Variants in DPP6 observed in about 807,000 individuals in gnomAD.
DPP6 encodes A-type potassium channel modulatory protein DPP6.
In DPP6, 69 loss-of-function variants were observed where a neutral mutation model predicts 122.6. The ratio of observed to expected loss-of-function variants is 0.56; its 90% CI spans 0.46 to 0.69. The LOEUF (loss-of-function observed/expected upper bound fraction) is 0.69, where lower values mean the gene tolerates loss of function less well. DPP6 is among the 30% of genes least tolerant of loss of function. The probability of loss-of-function intolerance (pLI) is 0.00; values close to 1 mark genes in which losing one functional copy is unlikely to be tolerated. For synonymous variants in DPP6, 418 were observed against 433.1 expected (o/e 0.97, Z 0.43); for missense variants, 928 against 1,116.9 (o/e 0.83, Z 2.41).
At chr7:154,688,163 A>G (rs1042551249) in intron 7 of DPP6, among the ~76,000 whole-genome samples, 2 of 152,194 alleles carry the variant, frequency 1.3e-5, no homozygotes, top group African/African-American at 4.8e-5. Context: ...ATATGTGTAT[A>G]TATGTGTCAC....
At chr7:154,788,423 G>A (rs1174030675) in intron 10 of DPP6, among the ~76,000 whole-genome samples, 1 of 149,054 alleles carries the variant, frequency 6.7e-6, no homozygotes, top group Non-Finnish European at 1.5e-5. Flanking sequence ...TAGCCTGGGT[G>A]ACAGAGTGAG....
rs1481668259 is a variant in DPP6 at position 154,127,638 on chromosome 7, C to CAG, written c.243+74576_243+74577insGA. Among the ~76,000 whole-genome samples the CAG allele has an allele frequency of 1.5e-3, 169 of 109,160 alleles. 2 individuals are homozygous for CAG. Among genetic ancestry groups the CAG allele is most frequent in the African/African-American group, 7.1e-3 (166 of 23,484 alleles). 71.6% of individuals were successfully genotyped at this position (109,160 alleles called of 152,430 possible). A position where few individuals can be genotyped will look rare whatever the true frequency, so the allele number is the denominator to read the frequency against. ...ACACACACACACACACACACAGACACACACACACACACAGACACACACACA... is the reference window on the plus strand; with the variant it reads ...ACACACACACACACACACACAGACACAGACACACACACACAGACACACACACA... On this transcript the variant is annotated intron_variant, in intron 1 of 25. Transcript: ENST00000377770.
intron 1 of DPP6, among the ~76,000 whole-genome samples, chr7:154,256,834 A>C (rs1802685417): frequency 6.6e-6 from 1 of 152,172 alleles, no homozygotes; most frequent in African/African-American, 2.4e-5. Context: ...TCAGCCTGAG[A>C]TTCTGGTAAG....
At chr7:154,098,056 G>A (rs1014012532) in intron 1 of DPP6, among the ~76,000 whole-genome samples, 1 of 152,168 alleles carries the variant, frequency 6.6e-6, no homozygotes, top group Non-Finnish European at 1.5e-5. Flanking sequence ...ATATGGTTCT[G>A]CTGTGTCCCC....
chr7:154,582,376 G>T (rs984309694), intron 5 of DPP6, among the ~76,000 whole-genome samples: 1 of 152,332 alleles, frequency 6.6e-6, no homozygotes, highest in South Asian at 2.1e-4. Context: ...CTTGTGATGG[G>T]CTCCATTTAT....
At chr7:154,516,041 T>C (rs1826470852) in intron 3 of DPP6, among the ~76,000 whole-genome samples, 2 of 152,170 alleles carry the variant, frequency 1.3e-5, no homozygotes, top group Admixed American at 6.5e-5. Context: ...TCTGATTTCT[T>C]TTCTCTCTTT....
chr7:154,176,332 G>A lies in DPP6; in HGVS notation c.243+123269G>A, dbSNP rs146763338. Among the ~76,000 whole-genome samples, 305 of 152,252 alleles carry A rather than the reference G, an allele frequency of 2.0e-3. 2 individuals are homozygous for A. Among genetic ancestry groups the A allele is most frequent in the Non-Finnish European group, 3.7e-3 (255 of 68,016 alleles). ...GGATGTATGTATATGTTTGGTGAGC[G>A]CCCAGGCAGTACATACAAACATTTG... is the stretch of plus-strand genomic sequence containing the variant. On this transcript the variant is annotated intron_variant, in intron 1 of 25. Transcript: ENST00000377770.
chr7:154,108,369 A>G (rs1025526970), intron 1 of DPP6, among the ~76,000 whole-genome samples: 11 of 152,308 alleles, frequency 7.2e-5, no homozygotes, highest in East Asian at 1.9e-4. Flanking sequence ...AATGTCATGA[A>G]TGGATACACA....
At chr7:154,551,442 A>G (rs1372646958) in intron 4 of DPP6, among the ~76,000 whole-genome samples, 2 of 152,118 alleles carry the variant, frequency 1.3e-5, no homozygotes, top group African/African-American at 4.8e-5. Context: ...TGAGGGCCTA[A>G]CTTTTCTAAA....
chr7:154,635,338 A>G (rs570295732), intron 5 of DPP6, among the ~76,000 whole-genome samples: 14 of 151,974 alleles, frequency 9.2e-5, no homozygotes, highest in Admixed American at 2.6e-4. Flanking sequence ...GGCTGAAGTA[A>G]TATCAAAGGC....
chr7:154,081,570 A>T lies in DPP6; in HGVS notation c.243+28507A>T, dbSNP rs141023375. On this transcript the variant is annotated intron_variant, in intron 1 of 25. Coordinates refer to ENST00000377770, the MANE Select transcript of DPP6 (RefSeq NM_130797.4). The stretch of plus-strand genomic sequence containing the variant: ...GGGAGCGGTCACTGTGGCATGGAGT[A>T]GGCTGGGCAATGAAGGCTTCTAGGA... Among the ~76,000 whole-genome samples the T allele has an allele frequency of 7.1e-3, 1,051 of 147,608 alleles. 6 individuals carry two copies. Among genetic ancestry groups the T allele is most frequent in the Middle Eastern group, 0.021 (6 of 288 alleles).
chr7:153,808,230 TGA>T, the DPP6 span, among the ~76,000 whole-genome samples: 1 of 151,630 alleles, frequency 6.6e-6, no homozygotes, highest in Non-Finnish European at 1.5e-5. Flanking sequence ...TGTGCGTGCC[TGA>T]GTGTGCGTGT....
Position 154,618,612 on chromosome 7 carries a change from G to A in DPP6, c.628-19209G>A, listed in dbSNP as rs991643339. 5.3e-5 allele frequency among the ~76,000 whole-genome samples: 8 copies of A among 152,110 alleles called. No individual in the cohort carries two copies. The highest frequency in any genetic ancestry group is 1.7e-4 in the African/African-American group (7 of 41,422). ...GAGTTTATGATGTGCTCAGAGCCAC[G>A]CACAGGATCGCTAGAAGCCGGGGCC... On this transcript the variant is annotated intron_variant, in intron 5 of 25. Transcript: ENST00000377770. The surrounding 1 kb of genome is among the most constrained non-coding windows in gnomAD (Gnocchi z 4.1).
intron 1 of DPP6, among the ~76,000 whole-genome samples, chr7:153,952,439 A>G (rs1802263115): frequency 6.6e-6 from 1 of 152,258 alleles, no homozygotes; most frequent in Non-Finnish European, 1.5e-5. Context: ...TCAGATTCAA[A>G]TCCAGATTTT....
At chr7:154,121,138 A>G (rs558351972) in intron 1 of DPP6, among the ~76,000 whole-genome samples, 43 of 152,296 alleles carry the variant, frequency 2.8e-4, no homozygotes, top group Admixed American at 1.0e-3. Flanking sequence ...CCTCCCAGCC[A>G]TGTGGAACTG....
chr7:154,262,791 G>A (rs889465032), intron 1 of DPP6, among the ~76,000 whole-genome samples: 5 of 152,084 alleles, frequency 3.3e-5, no homozygotes, highest in Non-Finnish European at 7.4e-5. Flanking sequence ...TACTAAATAC[G>A]TTTTAGTAAT....
chr7:154,222,133 C>T (rs62484134), intron 1 of DPP6, among the ~76,000 whole-genome samples: 8,772 of 152,180 alleles, frequency 0.058, 495 homozygotes, highest in African/African-American at 0.13. Flanking sequence ...ATAGCACAAA[C>T]CCATGAATAT....
intron 1 of DPP6, among the ~76,000 whole-genome samples, chr7:154,160,907 C>T (rs11768404): frequency 1.1e-4 from 16 of 151,960 alleles, no homozygotes; most frequent in Admixed American, 9.8e-4. Context: ...GCAAAACCGC[C>T]GACAGCAAGA....
chr7:153,991,116 C>CAGG (rs1252489174), intron 1 of DPP6, among the ~76,000 whole-genome samples: 1 of 152,128 alleles, frequency 6.6e-6, no homozygotes, highest in Non-Finnish European at 1.5e-5. Context: ...CCGTAAAGGC[C>CAGG]AGGAGACTGT....
Sources: allele counts gnomAD v4.1 joint callset (sites outside exome capture counted in the v4.1 genomes callset), GRCh38; gene constraint gnomAD v4.1.1; non-coding constraint Gnocchi (gnomAD v3.1); transcripts MANE v1.5; gene names NCBI Gene and HGNC (gene_info 2026-07-23, HGNC 2026-07-21).